The following CACNB2 variants were observed in gnomAD, a reference collection of about 807,000 sequenced individuals.
The protein encoded by CACNB2 is calcium voltage-gated channel auxiliary subunit beta 2.
A neutral mutation model predicts 73.3 loss-of-function variants in CACNB2; 42 were observed. That is an observed-to-expected ratio of 0.57 (90% CI 0.45 to 0.74). The LOEUF (loss-of-function observed/expected upper bound fraction) is 0.74. CACNB2 is among the 30% of genes least tolerant of loss of function. The pLI is 0.00. For synonymous variants in CACNB2, 348 were observed against 310.3 expected (o/e 1.12, Z -1.28); for missense variants, 940 against 853.0 (o/e 1.10, Z -1.27).
intron 5 of CACNB2, among the ~76,000 whole-genome samples, chr10:18,503,543 C>T (rs2050323155): frequency 6.6e-6 from 1 of 152,088 alleles, no homozygotes; most frequent in African/African-American, 2.4e-5. Context: ...TTGCAGTGAG[C>T]CGAGATCATG....
intron 3 of CACNB2, among the ~76,000 whole-genome samples, chr10:18,477,544 G>C (rs2048501490): frequency 6.6e-6 from 1 of 152,180 alleles, no homozygotes; most frequent in African/African-American, 2.4e-5. Context: ...AATCAATTTA[G>C]AAGCTCACTT....
At chr10:18,358,522 C>G (rs2042015130) in intron 2 of CACNB2, among the ~76,000 whole-genome samples, 1 of 38,636 alleles carries the variant, frequency 2.6e-5, no homozygotes. Context: ...CTCTCTCTCT[C>G]TCTCTCTCTC....
intron 3 of CACNB2, among the ~76,000 whole-genome samples, chr10:18,441,157 C>A (rs1019932116): frequency 6.6e-6 from 1 of 152,152 alleles, no homozygotes; most frequent in African/African-American, 2.4e-5. Context: ...GTAATCCCAG[C>A]ACTTTGGGAG....
intron 2 of CACNB2, among the ~76,000 whole-genome samples, chr10:18,346,721 C>T (rs768560966): frequency 4.0e-4 from 61 of 150,708 alleles, no homozygotes; most frequent in African/African-American, 1.0e-3. Context: ...CTCAGCCTCC[C>T]GAGTAGCTGG....
At chr10:18,422,854 A>C (rs2045400129) in intron 3 of CACNB2, among the ~76,000 whole-genome samples, 1 of 152,094 alleles carries the variant, frequency 6.6e-6, no homozygotes, top group South Asian at 2.1e-4. Flanking sequence ...ATGCGACACC[A>C]CACCCAGCTA....
intron 3 of CACNB2, among the ~76,000 whole-genome samples, chr10:18,415,863 A>G (rs2044928343): frequency 6.6e-6 from 1 of 151,966 alleles, no homozygotes. Context: ...CAAATCTGAA[A>G]CTCTATATCA....
At chr10:18,454,165 T>A (rs563165144) in intron 3 of CACNB2, among the ~76,000 whole-genome samples, 4 of 152,186 alleles carry the variant, frequency 2.6e-5, no homozygotes, top group Admixed American at 6.5e-5. Flanking sequence ...GGTGCTTTGA[T>A]GGGAGAAGGG....
chr10:18,379,406 G>C lies in CACNB2; in HGVS notation c.214-22518G>C, dbSNP rs1019145866. ...TTTTGTATTTTTTGGTAGAGACATG[G>C]TTTTACCATGTTGACCAGGCTGGTC... On this transcript the variant is annotated intron_variant, in intron 2 of 13. Coordinates refer to ENST00000324631, the MANE Select transcript of CACNB2 (RefSeq NM_201596.3). Among the ~76,000 whole-genome samples, 81 of 152,034 alleles carry C rather than the reference G, an allele frequency of 5.3e-4. 1 individual carries two copies. Among genetic ancestry groups the C allele is most frequent in the African/African-American group, 1.9e-3 (79 of 41,394 alleles).
intron 2 of CACNB2, among the ~76,000 whole-genome samples, chr10:18,235,457 C>T (rs997370953): frequency 6.6e-6 from 1 of 152,110 alleles, no homozygotes; most frequent in African/African-American, 2.4e-5. Flanking sequence ...GACCCTGTCT[C>T]TAAATTTTTT....
At chr10:18,310,059 A>G (rs537388309) in intron 2 of CACNB2, among the ~76,000 whole-genome samples, 1 of 152,294 alleles carries the variant, frequency 6.6e-6, no homozygotes, top group Non-Finnish European at 1.5e-5. Context: ...AGCTGTGTGT[A>G]AATACTCAGT....
rs1411890916 is a variant in CACNB2, at chr10:18,539,306, T to C, written c.1565T>C (p.Val522Ala). ...SASQAEEEPS[V>A]EPVKKSQHRS... The stretch of plus-strand genomic sequence containing the variant: ...TCCCAAGCTGAAGAAGAACCTAGTG[T>C]GGAACCAGTCAAGAAATCCCAGCAC... Residue 522 changes from valine to alanine, a missense_variant, in exon 14 of 14, where the codon GTG (valine) becomes GCG (alanine). Transcript: ENST00000324631. 2 of 1,613,876 alleles carry C rather than the reference T, an allele frequency of 1.2e-6. No homozygotes were observed. The highest frequency in any genetic ancestry group is 1.7e-6 in the Non-Finnish European group (2 of 1,179,972).
Position 18,536,135 on chromosome 10 carries a change from C to T in CACNB2, c.1241C>T (p.Ser414Phe), listed in dbSNP as rs1376541066. Residue 414 changes from serine (S) to phenylalanine (F), a missense_variant, in exon 12 of 14, where the codon TCT becomes TTT. Physicochemically the swap from Ser to Phe is radical, Grantham distance 155. Transcript: ENST00000324631. ...AGGTTAATAAAATCTCGAGGGAAAT[C>T]TCAAGCTAAACACCTCAACGTCCAG... ...LQRLIKSRGK[S>F]QAKHLNVQMV... The T allele has an allele frequency of 6.2e-7, 1 of 1,607,630 alleles. No individual in the cohort carries two copies. The highest frequency in any genetic ancestry group is 1.1e-5 in the South Asian group (1 of 90,904).
At chr10:18,236,415 G>T (rs2131477902) in intron 2 of CACNB2, among the ~76,000 whole-genome samples, 1 of 152,342 alleles carries the variant, frequency 6.6e-6, no homozygotes. Context: ...AAACAGGTGA[G>T]GTAGAGAGAA....
At chr10:18,299,666 G>A (rs529243139) in intron 2 of CACNB2, among the ~76,000 whole-genome samples, 3 of 152,150 alleles carry the variant, frequency 2.0e-5, no homozygotes, top group Non-Finnish European at 2.9e-5. Flanking sequence ...AGCAGTGATC[G>A]CACCACTGCA....
At chr10:18,382,626 G>A (rs990384471) in intron 2 of CACNB2, among the ~76,000 whole-genome samples, 5 of 152,236 alleles carry the variant, frequency 3.3e-5, no homozygotes, top group Admixed American at 2.0e-4. Context: ...AATTATAAGT[G>A]AGAACATGCA....
At chr10:18,358,541 T>TCTCTCTCTCG (rs2042019815) in intron 2 of CACNB2, among the ~76,000 whole-genome samples, 3 of 32,700 alleles carry the variant, frequency 9.2e-5, no homozygotes, top group East Asian at 7.6e-4. Flanking sequence ...TCTCTCTCTC[T>TCTCTCTCTCG]CTCTCTCTCT....
At chr10:18,316,083 T>G (rs188526516) in intron 2 of CACNB2, among the ~76,000 whole-genome samples, 5 of 152,280 alleles carry the variant, frequency 3.3e-5, no homozygotes, top group Admixed American at 1.3e-4. Context: ...ATTTTAACAG[T>G]CAGGCAGGCC....
chr10:18,323,617 T>C (rs2040476026), intron 2 of CACNB2, among the ~76,000 whole-genome samples: 1 of 152,224 alleles, frequency 6.6e-6, no homozygotes, highest in African/African-American at 2.4e-5. Flanking sequence ...TAAGATTGTA[T>C]GGAATTAGAG....
chr10:18,393,198 C>A (rs373181883), intron 2 of CACNB2, among the ~76,000 whole-genome samples: 97 of 146,838 alleles, frequency 6.6e-4, no homozygotes, highest in South Asian at 8.6e-4. Flanking sequence ...GACTCCATGT[C>A]AAAAAAAAAA....
Sources: allele counts gnomAD v4.1 joint callset (sites outside exome capture counted in the v4.1 genomes callset), GRCh38; gene constraint gnomAD v4.1.1; transcripts MANE v1.5; gene names NCBI Gene and HGNC (gene_info 2026-07-23, HGNC 2026-07-21).